The following EEF1E1 variants were observed in gnomAD, a reference collection of about 807,000 sequenced individuals.
EEF1E1 encodes the protein eukaryotic translation elongation factor 1 epsilon-1.
Under a neutral mutation model 19.9 loss-of-function variants are expected in EEF1E1, and 19 were observed. That is an observed-to-expected ratio of 0.95 (90% confidence interval 0.66 to 1.40). EEF1E1 has a LOEUF of 1.40. Ranked by LOEUF, EEF1E1 falls within the 40% of genes most tolerant of loss-of-function variation. The pLI, the probability that EEF1E1 is intolerant of heterozygous loss-of-function variation, is 0.00. For synonymous variants in EEF1E1, 81 were observed against 80.0 expected (o/e 1.01, Z -0.07); for missense variants, 198 against 202.2 (o/e 0.98, Z 0.13).
At chr6:8,086,689 A>G (rs1221189538) in intron 3 of EEF1E1, among the ~76,000 whole-genome samples, 2 of 152,216 alleles carry the variant, frequency 1.3e-5, no homozygotes, top group Non-Finnish European at 2.9e-5. Context: ...TCTCTGTAAA[A>G]GAAGGCCAAT....
Position 8,094,048 on chromosome 6 carries a change from C to T in EEF1E1, c.288+3219G>A, listed in dbSNP as rs992095506. On this transcript the variant is annotated intron_variant, in intron 2 of 3. Transcript: ENST00000379715. ...TCCTAACCTCAAGTGATCTGCCTGC[C>T]TCGGCCTTCCAAAGTGCTGGGATTT... 3.9e-5 allele frequency among the ~76,000 whole-genome samples: 6 copies of T among 152,118 alleles called. 1 individual carries two copies. The highest frequency in any genetic ancestry group is 1.4e-4 in the African/African-American group (6 of 41,434).
chr6:8,087,509 C>T (rs980985960), intron 3 of EEF1E1, among the ~76,000 whole-genome samples: 5 of 152,032 alleles, frequency 3.3e-5, no homozygotes, highest in East Asian at 3.9e-4. Context: ...TGAGCCACCG[C>T]GCCCAGCTAA....
Position 8,093,324 on chromosome 6 carries a change from C to CTT in EEF1E1, c.289-3045_289-3044dup, listed in dbSNP as rs57000456. Among the ~76,000 whole-genome samples the CTT allele has an allele frequency of 3.4e-3, 463 of 135,042 alleles. 2 individuals are homozygous for CTT. Among genetic ancestry groups the CTT allele is most frequent in the African/African-American group, 9.0e-3 (328 of 36,596 alleles). The allele number at this position is 135,042 out of a possible 152,430, so 88.6% of individuals were successfully genotyped here. ...ACTAATTATGTCTGACATTCGCTTC[C>CTT]TTTTTTTTTTTTTTTTTTTACAATT... On this transcript the variant is annotated intron_variant, in intron 2 of 3. Transcript: ENST00000379715.
At chr6:8,080,504 C>T (rs1028312523) in intron 3 of EEF1E1, among the ~76,000 whole-genome samples, 1 of 152,188 alleles carries the variant, frequency 6.6e-6, no homozygotes, top group Non-Finnish European at 1.5e-5. Flanking sequence ...TGCATGAGAA[C>T]AGACCTTCAT....
rs751209592 is a variant in EEF1E1, at chr6:8,102,533, A to G, written c.-12T>C. 1 of 1,608,782 alleles carries G rather than the reference A, an allele frequency of 6.2e-7. No individual in the cohort carries two copies. Among genetic ancestry groups the G allele is most frequent in the South Asian group, 1.1e-5 (1 of 91,050 alleles). On this transcript the variant is annotated 5_prime_UTR_variant, in exon 1 of 4. Coordinates refer to ENST00000379715, the MANE Select transcript of EEF1E1 (RefSeq NM_004280.5). ...GCGGCCGCCGCCATCTTCCGGCCGTAGCTCCTGGCAGACGCGAGACCTGCA... is the reference window on the plus strand; with the variant it reads ...GCGGCCGCCGCCATCTTCCGGCCGTGGCTCCTGGCAGACGCGAGACCTGCA...
At chr6:8,094,586 A>T (rs1044424351) in intron 2 of EEF1E1, among the ~76,000 whole-genome samples, 1 of 151,888 alleles carries the variant, frequency 6.6e-6, no homozygotes, top group African/African-American at 2.4e-5. Flanking sequence ...AAAAAAAAAA[A>T]ATTAGGCTAA....
intron 3 of EEF1E1, among the ~76,000 whole-genome samples, chr6:8,088,921 A>G (rs1027330786): frequency 1.3e-5 from 2 of 150,248 alleles, no homozygotes; most frequent in African/African-American, 4.9e-5. Context: ...GGAAGGAAGT[A>G]AAGGTTTGGA....
chr6:8,095,321 T>C (rs1758139208), intron 2 of EEF1E1: 2 of 376,228 alleles, frequency 5.3e-6, no homozygotes, highest in Non-Finnish European at 5.3e-6. Flanking sequence ...GCCAACATGA[T>C]GAAACCCTAT....
At chr6:8,095,360 A>T in intron 2 of EEF1E1, 1 of 427,414 alleles carries the variant, frequency 2.3e-6, no homozygotes, top group Non-Finnish European at 4.7e-6. Context: ...AAAACGAGCC[A>T]TGCGTGGTGG....
At chr6:8,082,094 C>T (rs1456954353) in intron 3 of EEF1E1, among the ~76,000 whole-genome samples, 2 of 152,158 alleles carry the variant, frequency 1.3e-5, no homozygotes, top group Non-Finnish European at 2.9e-5. Context: ...AAGTTGCTTA[C>T]AGGCCTATTA....
At chr6:8,087,940 G>A (rs1022936295) in intron 3 of EEF1E1, among the ~76,000 whole-genome samples, 1 of 152,142 alleles carries the variant, frequency 6.6e-6, no homozygotes, top group African/African-American at 2.4e-5. Flanking sequence ...GGGGAGTTGA[G>A]CCAAGCTTGT....
At chr6:8,085,392 A>G (rs1757827125) in intron 3 of EEF1E1, among the ~76,000 whole-genome samples, 1 of 151,708 alleles carries the variant, frequency 6.6e-6, no homozygotes, top group Non-Finnish European at 1.5e-5. Context: ...GGCTCAAGCT[A>G]TCTACCTGCC....
chr6:8,075,629 A>G (rs1757572966), downstream of EEF1E1, among the ~76,000 whole-genome samples: 1 of 152,028 alleles, frequency 6.6e-6, no homozygotes, highest in Non-Finnish European at 1.5e-5. Context: ...TTGCTGGTGG[A>G]GGGTTTTGCC....
intron 1 of EEF1E1, among the ~76,000 whole-genome samples, chr6:8,099,791 C>CACAAAAAAA (rs768224090): frequency 8.7e-5 from 10 of 114,620 alleles, no homozygotes; most frequent in South Asian, 2.9e-4. Flanking sequence ...CACACACACA[C>CACAAAAAAA]AAAAAAAAAA....
intron 3 of EEF1E1, among the ~76,000 whole-genome samples, chr6:8,082,310 C>T (rs1757741832): frequency 6.6e-6 from 1 of 152,150 alleles, no homozygotes; most frequent in African/African-American, 2.4e-5. Flanking sequence ...CAGAGTCTTA[C>T]TCTGTTGCCC....
intron 3 of EEF1E1, among the ~76,000 whole-genome samples, chr6:8,087,251 CTT>C (rs1273281620): frequency 1.3e-5 from 2 of 152,184 alleles, no homozygotes; most frequent in East Asian, 1.9e-4. Context: ...GGGTTTCACT[CTT>C]GTCGCCCAAG....
chr6:8,087,680 A>G (rs535254076), intron 3 of EEF1E1, among the ~76,000 whole-genome samples: 4 of 152,324 alleles, frequency 2.6e-5, no homozygotes, highest in African/African-American at 7.2e-5. Flanking sequence ...AAAGAAAAAG[A>G]CACGGTCATG....
At position 8,090,499 on chromosome 6, in the gene EEF1E1, C is replaced by T. The variant is rs375368558; in HGVS notation, c.289-218G>A. ...CTAAACATTACTAGTCTTAAATAAA[C>T]AAGAAAACATTAGAAAATGATATTC... On this transcript the variant is annotated intron_variant, in intron 2 of 3. Transcript: ENST00000379715. Among the ~76,000 whole-genome samples the T allele has an allele frequency of 3.3e-5, 5 of 152,188 alleles. No homozygotes were observed. In the East Asian group the frequency reaches 9.6e-4, roughly 29 times the overall value.
chr6:8,099,225 T>C lies in EEF1E1; in HGVS notation c.88-1758A>G, dbSNP rs941109993. On this transcript the variant is annotated intron_variant, in intron 1 of 3. Coordinates refer to ENST00000379715, the MANE Select transcript of EEF1E1 (RefSeq NM_004280.5). The stretch of plus-strand genomic sequence containing the variant: ...TGCATAATGATATTCTGGTCAACGA[T>C]GTTCTGGATGGCATATCCAATGGTG... Among the ~76,000 whole-genome samples, 4 of 152,266 alleles carry C rather than the reference T, an allele frequency of 2.6e-5. No individual in the cohort carries two copies. In the South Asian group the frequency reaches 6.2e-4, roughly 24 times the overall value.
Sources: gnomAD v4.1 joint callset for allele counts (sites outside exome capture counted in the v4.1 genomes callset) on GRCh38, gnomAD v4.1.1 for gene constraint, MANE v1.5 for transcripts, NCBI Gene and HGNC (gene_info 2026-07-23, HGNC 2026-07-21) for gene names.